Variants in DTD1 observed in about 807,000 individuals in gnomAD.
The protein encoded by DTD1 is D-aminoacyl-tRNA deacylase 1.
Under a neutral mutation model 25.6 loss-of-function variants are expected in DTD1, and 13 were observed. That is an observed-to-expected ratio of 0.51 (90% CI 0.33 to 0.81). The LOEUF (loss-of-function observed/expected upper bound fraction) is 0.81. DTD1 is among the 30% of genes least tolerant of loss of function. The pLI is 0.02. For missense variants in DTD1, 193 were observed against 266.4 expected, an observed-to-expected ratio of 0.72 and a Z score of 1.92; for synonymous variants, 110 against 103.6, an observed-to-expected ratio of 1.06 and a Z score of -0.37.
chr20:18,731,962 C>T (rs1276481063), intron 4 of DTD1, among the ~76,000 whole-genome samples: 8 of 152,204 alleles, frequency 5.3e-5, no homozygotes, highest in Non-Finnish European at 1.0e-4. Flanking sequence ...TCTCTGGAAG[C>T]CTTATTAGCT....
intron 3 of DTD1, among the ~76,000 whole-genome samples, chr20:18,600,050 G>C (rs548528780): frequency 2.6e-5 from 4 of 152,062 alleles, no homozygotes; most frequent in Non-Finnish European, 4.4e-5. Context: ...TTCTCAATCT[G>C]TGGCTTGTCT....
intron 4 of DTD1, among the ~76,000 whole-genome samples, chr20:18,728,266 A>G (rs2061229347): frequency 2.0e-5 from 3 of 152,018 alleles, no homozygotes; most frequent in South Asian, 4.2e-4. Flanking sequence ...GGGCGGGGCC[A>G]TCACCCTGAG....
At position 18,600,288 on chromosome 20, in the gene DTD1, T is replaced by C. The variant is rs570259964; in HGVS notation, c.370+4047T>C. Among the ~76,000 whole-genome samples the C allele has an allele frequency of 5.9e-5, 9 of 152,354 alleles. No individual in the cohort carries two copies. The South Asian group carries it at 1.7e-3, about 28-fold the overall frequency. On this transcript the variant is annotated intron_variant, in intron 3 of 5. Transcript: ENST00000377452. Reference sequence around the variant, plus strand: ...TTTCAGATAATTTTTGTGAAGGGTCTGTGGTCTTTGTCTAGAGGCGCTTTT... The same window carrying C: ...TTTCAGATAATTTTTGTGAAGGGTCCGTGGTCTTTGTCTAGAGGCGCTTTT...
intron 4 of DTD1, chr20:18,675,522 G>A (rs1472641263): frequency 6.6e-6 from 1 of 151,848 alleles, no homozygotes; most frequent in Non-Finnish European, 1.5e-5. Flanking sequence ...TGGCTGCCTG[G>A]GCATAATAGA....
Position 18,749,744 on chromosome 20 carries a change from C to A in DTD1, c.*19+5473C>A, listed in dbSNP as rs568526262. Among the ~76,000 whole-genome samples, 255 of 152,278 alleles carry A rather than the reference C, an allele frequency of 1.7e-3. 1 individual carries two copies. The highest frequency in any genetic ancestry group is 5.9e-3 in the African/African-American group (244 of 41,550). The stretch of plus-strand genomic sequence containing the variant: ...GTCAGGGCCCAGGTGCTGAGCTGCA[C>A]CAACCACCCTGCCACAGAGGACACT... On this transcript the variant is annotated intron_variant, in intron 5 of 5. Transcript: ENST00000377452. The surrounding 1 kb of genome is among the most constrained non-coding windows in gnomAD (Gnocchi z 4.2).
At position 18,657,724 on chromosome 20, in the gene DTD1, A is replaced by G. The variant is rs191246558; in HGVS notation, c.477+29491A>G. ...GCTTAGTGGCTTAAAACAATAACATATAGTATCTCATGTAGTTTCTGTGAG... is the reference window on the plus strand; with the variant it reads ...GCTTAGTGGCTTAAAACAATAACATGTAGTATCTCATGTAGTTTCTGTGAG... On this transcript the variant is annotated intron_variant, in intron 4 of 5. Transcript: ENST00000377452. Among the ~76,000 whole-genome samples, 9 of 152,324 alleles carry G rather than the reference A, an allele frequency of 5.9e-5. No individual in the cohort carries two copies. The East Asian group carries it at 1.5e-3, about 26-fold the overall frequency.
In DTD1 at chr20:18,751,025, C is replaced by T. The variant is rs1053949978; in HGVS notation, c.*19+6754C>T. On this transcript the variant is annotated intron_variant, in intron 5 of 5. Coordinates refer to ENST00000377452, the MANE Select transcript of DTD1 (RefSeq NM_080820.6). ...CCTTTGTCTGAATAGTAAGATGTGTCCTGGCTGAGCACACTTCTTCCTAAT... is the reference window on the plus strand; with the variant it reads ...CCTTTGTCTGAATAGTAAGATGTGTTCTGGCTGAGCACACTTCTTCCTAAT... Among the ~76,000 whole-genome samples, 10 of 152,054 alleles carry T rather than the reference C, an allele frequency of 6.6e-5. No homozygotes were observed. The East Asian group carries it at 1.9e-3, about 29-fold the overall frequency.
At chr20:18,598,518 G>A (rs948579785) in intron 3 of DTD1, among the ~76,000 whole-genome samples, 1 of 150,746 alleles carries the variant, frequency 6.6e-6, no homozygotes, top group Non-Finnish European at 1.5e-5. Flanking sequence ...TTTTTTTTGA[G>A]ATGGAGTCTT....
At chr20:18,733,638 A>G (rs1317293302) in intron 4 of DTD1, among the ~76,000 whole-genome samples, 3 of 152,204 alleles carry the variant, frequency 2.0e-5, no homozygotes, top group Non-Finnish European at 4.4e-5. Flanking sequence ...AGTAATAAGA[A>G]TAATAGAAAG....
intron 4 of DTD1, among the ~76,000 whole-genome samples, chr20:18,637,949 TC>T (rs1028098390): frequency 3.9e-5 from 6 of 152,184 alleles, no homozygotes; most frequent in African/African-American, 1.4e-4. Flanking sequence ...ATCTTCCCCA[TC>T]TTTTAAGGTT....
At chr20:18,600,971 G>A (rs1294196021) in intron 3 of DTD1, among the ~76,000 whole-genome samples, 2 of 152,158 alleles carry the variant, frequency 1.3e-5, no homozygotes, top group Non-Finnish European at 2.9e-5. Context: ...CCTGGTTTCA[G>A]TTTTTTGATT....
At chr20:18,732,971 CAT>C (rs755088038) in intron 4 of DTD1, among the ~76,000 whole-genome samples, 2 of 152,140 alleles carry the variant, frequency 1.3e-5, no homozygotes, top group Admixed American at 6.5e-5. Flanking sequence ...CTCATGTTAA[CAT>C]GTGGTTTTTT....
intron 3 of DTD1, among the ~76,000 whole-genome samples, chr20:18,618,776 C>T (rs571822439): frequency 1.3e-5 from 2 of 148,794 alleles, no homozygotes; most frequent in South Asian, 4.2e-4. Context: ...GTAATGGCGT[C>T]ATCTTGGCTC....
chr20:18,606,114 G>A (rs1485822635), intron 3 of DTD1, among the ~76,000 whole-genome samples: 15 of 149,502 alleles, frequency 1.0e-4, no homozygotes, highest in African/African-American at 1.7e-4. Flanking sequence ...AAAAGTGGGC[G>A]AAGGACATGA....
At chr20:18,676,526 A>G (rs2060975345) in intron 4 of DTD1, among the ~76,000 whole-genome samples, 1 of 152,156 alleles carries the variant, frequency 6.6e-6, no homozygotes, top group Non-Finnish European at 1.5e-5. Context: ...CCCCTGTGAG[A>G]AGCTGTTTTC....
intron 4 of DTD1, among the ~76,000 whole-genome samples, chr20:18,730,148 A>G (rs933802009): frequency 2.3e-4 from 35 of 152,236 alleles, no homozygotes; most frequent in Non-Finnish European, 3.2e-4. Flanking sequence ...TTCCCTATCA[A>G]CACCTCAAGT....
chr20:18,651,430 C>G (rs535111915), intron 4 of DTD1, among the ~76,000 whole-genome samples: 37 of 152,224 alleles, frequency 2.4e-4, no homozygotes, highest in Non-Finnish European at 4.4e-4. Flanking sequence ...GGATTATAGG[C>G]GTGAGCCACC....
intron 5 of DTD1, among the ~76,000 whole-genome samples, chr20:18,748,495 G>A (rs1314167136): frequency 6.6e-6 from 1 of 152,176 alleles, no homozygotes; most frequent in Non-Finnish European, 1.5e-5. Flanking sequence ...CACCATGGAT[G>A]TTAGTGTTCT....
At chr20:18,695,537 T>C (rs2061071458) in intron 4 of DTD1, among the ~76,000 whole-genome samples, 1 of 14,874 alleles carries the variant, frequency 6.7e-5, no homozygotes, top group Non-Finnish European at 1.4e-4. Context: ...TTCCCTTCCT[T>C]TCCCTTCCCT....
Sources: gnomAD v4.1 joint callset for allele counts (sites outside exome capture counted in the v4.1 genomes callset) on GRCh38, gnomAD v4.1.1 for gene constraint, Gnocchi (gnomAD v3.1) non-coding constraint, MANE v1.5 for transcripts, NCBI Gene and HGNC (gene_info 2026-07-23, HGNC 2026-07-21) for gene names.